XKR4: variants seen among roughly 807,000 people sequenced by gnomAD.
The protein encoded by XKR4 is XK-related protein 4.
A neutral mutation model predicts 53.9 loss-of-function variants in XKR4; 12 were observed. The observed-to-expected ratio is 0.22, with a 90% confidence interval of 0.14 to 0.36. XKR4 has a LOEUF of 0.36. Ranked by LOEUF, XKR4 falls within the 10% of genes least tolerant of loss-of-function variation. XKR4 has a pLI of 1.00. For synonymous variants in XKR4, 354 were observed against 362.4 expected (o/e 0.98, Z 0.26); for missense variants, 799 against 859.5 (o/e 0.93, Z 0.88).
At chr8:55,394,844 C>G (rs755188001) in intron 2 of XKR4, among the ~76,000 whole-genome samples, 9 of 152,158 alleles carry the variant, frequency 5.9e-5, no homozygotes, top group Non-Finnish European at 1.0e-4. Flanking sequence ...GCATCACCAG[C>G]ATCGGTTTAA....
intron 1 of XKR4, among the ~76,000 whole-genome samples, chr8:55,239,340 A>G (rs1394147840): frequency 6.6e-6 from 1 of 152,240 alleles, no homozygotes. Flanking sequence ...CAACAGATCA[A>G]TATCAATAAA....
chr8:55,462,169 T>C (rs945816021), intron 2 of XKR4, among the ~76,000 whole-genome samples: 2 of 152,086 alleles, frequency 1.3e-5, no homozygotes, highest in Non-Finnish European at 2.9e-5. Context: ...AGACACATAA[T>C]TGTCAGATTC....
chr8:55,274,652 C>T (rs994552071), intron 1 of XKR4, among the ~76,000 whole-genome samples: 8 of 152,004 alleles, frequency 5.3e-5, no homozygotes, highest in Admixed American at 6.6e-5. Flanking sequence ...AGGCTGGTCT[C>T]GAACTCCTGG....
intron 1 of XKR4, among the ~76,000 whole-genome samples, chr8:55,251,548 G>A (rs1479538296): frequency 1.3e-5 from 2 of 152,180 alleles, no homozygotes; most frequent in Non-Finnish European, 2.9e-5. Context: ...GATCCATATA[G>A]CTTTGGAAAA....
rs1563329731 is a variant in XKR4 at position 55,348,366 on chromosome 8, G to GGGACA, written c.807-9310_807-9306dup. 2.0e-5 allele frequency among the ~76,000 whole-genome samples: 3 copies of GGGACA among 152,264 alleles called. No homozygotes were observed. The South Asian group carries it at 6.2e-4, about 32-fold the overall frequency. The stretch of plus-strand genomic sequence containing the variant: ...TAATCCCCACACAGCCTGTGAGGGA[G>GGGACA]GGACAGCCATCCCTGCCTTCTCAAG... On this transcript the variant is annotated intron_variant, in intron 1 of 2. Coordinates refer to ENST00000327381, the MANE Select transcript of XKR4 (RefSeq NM_052898.2).
At chr8:55,454,479 T>C in intron 2 of XKR4, 1 of 1,188,424 alleles carries the variant, frequency 8.4e-7, no homozygotes, top group South Asian at 1.3e-5. Context: ...TCCATGAGGG[T>C]GGCACAGACC....
At chr8:55,149,154 A>G (rs1816808708) in intron 1 of XKR4, among the ~76,000 whole-genome samples, 1 of 152,248 alleles carries the variant, frequency 6.6e-6, no homozygotes, top group African/African-American at 2.4e-5. Flanking sequence ...CCTTGCAAGC[A>G]GAGCTGCTGG....
At chr8:55,344,702 T>C (rs1015752691) in intron 1 of XKR4, among the ~76,000 whole-genome samples, 3 of 152,152 alleles carry the variant, frequency 2.0e-5, no homozygotes, top group Non-Finnish European at 2.9e-5. Flanking sequence ...TGCGAGTGCA[T>C]AGAGAACCTT....
At chr8:55,385,822 G>A (rs1804301307) in intron 2 of XKR4, among the ~76,000 whole-genome samples, 1 of 152,162 alleles carries the variant, frequency 6.6e-6, no homozygotes, top group South Asian at 2.1e-4. Flanking sequence ...GAACCATGAG[G>A]AGAGACATTC....
intron 2 of XKR4, chr8:55,454,347 G>A: frequency 6.6e-7 from 1 of 1,507,856 alleles, no homozygotes; most frequent in Admixed American, 1.7e-5. Flanking sequence ...GCCTCCAGCA[G>A]CTGGGCCGGC....
intron 1 of XKR4, among the ~76,000 whole-genome samples, chr8:55,163,389 CAA>C (rs1817014403): frequency 1.3e-5 from 2 of 152,162 alleles, no homozygotes; most frequent in South Asian, 4.1e-4. Flanking sequence ...AAGTAAATGG[CAA>C]AAGAGGCAGC....
At chr8:55,341,046 G>A (rs778195033) in intron 1 of XKR4, among the ~76,000 whole-genome samples, 3 of 152,150 alleles carry the variant, frequency 2.0e-5, no homozygotes, top group Non-Finnish European at 2.9e-5. Context: ...ACTTTTGGAG[G>A]ATTTATGTCT....
At chr8:55,360,705 C>A (rs1433779745) in intron 2 of XKR4, among the ~76,000 whole-genome samples, 2 of 152,052 alleles carry the variant, frequency 1.3e-5, no homozygotes, top group East Asian at 3.9e-4. Context: ...ATCTTTAAAC[C>A]CAATTTCAAC....
intron 1 of XKR4, among the ~76,000 whole-genome samples, chr8:55,142,793 G>A (rs546704219): frequency 2.0e-5 from 3 of 152,340 alleles, no homozygotes; most frequent in South Asian, 2.1e-4. Flanking sequence ...GCATGTATGC[G>A]TGATGTGTAA....
intron 1 of XKR4, among the ~76,000 whole-genome samples, chr8:55,221,080 AT>A (rs1490666071): frequency 6.6e-6 from 1 of 152,132 alleles, no homozygotes; most frequent in Non-Finnish European, 1.5e-5. Context: ...GCCAGCCAAG[AT>A]TTGATTTGAG....
chr8:55,147,465 T>C (rs997854), intron 1 of XKR4, among the ~76,000 whole-genome samples: 60,173 of 152,084 alleles, frequency 0.4, 12,023 homozygotes, highest in Middle Eastern at 0.46. Context: ...TCAGTAATTA[T>C]GCCTTTTAAT....
intron 2 of XKR4, among the ~76,000 whole-genome samples, chr8:55,438,590 GA>G (rs751832656): frequency 4.8e-4 from 48 of 100,382 alleles, no homozygotes; most frequent in East Asian, 1.6e-3. Context: ...ACTCCATCTT[GA>G]AAAAAAAAAA....
At chr8:55,417,239 G>A (rs1030642278) in intron 2 of XKR4, among the ~76,000 whole-genome samples, 20 of 152,218 alleles carry the variant, frequency 1.3e-4, no homozygotes, top group Non-Finnish European at 2.5e-4. Flanking sequence ...TCCCAAGCGG[G>A]CAGTTTAGGA....
At position 55,485,970 on chromosome 8, in the gene XKR4, TA is replaced by T. The variant is rs1049226053; in HGVS notation, c.1007-37307del. 5.9e-5 allele frequency among the ~76,000 whole-genome samples: 9 copies of T among 152,344 alleles called. 1 individual carries two copies. The highest frequency in any genetic ancestry group is 1.9e-4 in the African/African-American group (8 of 41,582). On this transcript the variant is annotated intron_variant, in intron 2 of 2. Coordinates refer to ENST00000327381, the MANE Select transcript of XKR4 (RefSeq NM_052898.2). ...CTTAAAAAGCATTTATTTACATTCTTAAAAGGGAATTTAAGAAACATAAAAC... is the reference window on the plus strand; with the variant it reads ...CTTAAAAAGCATTTATTTACATTCTTAAAGGGAATTTAAGAAACATAAAAC...
Sources: gnomAD v4.1 joint callset for allele counts (sites outside exome capture counted in the v4.1 genomes callset) on GRCh38, gnomAD v4.1.1 for gene constraint, MANE v1.5 for transcripts, NCBI Gene and HGNC (gene_info 2026-07-23, HGNC 2026-07-21) for gene names.